MACROD2: variants seen among roughly 807,000 people sequenced by gnomAD.
MACROD2 encodes mono-ADP ribosylhydrolase 2, also known as ADP-ribose glycohydrolase MACROD2.
A neutral mutation model predicts 70.4 loss-of-function variants in MACROD2; 36 were observed. That is an observed-to-expected ratio of 0.51 (90% CI 0.39 to 0.68). The LOEUF (loss-of-function observed/expected upper bound fraction) is 0.68, where lower values mean the gene tolerates loss of function less well. Among genes scored for constraint, MACROD2 ranks in the 30% least tolerant of loss-of-function variants. The pLI is 0.00. For synonymous variants in MACROD2, 172 were observed against 178.8 expected, an observed-to-expected ratio of 0.96 and a Z score of 0.30; for missense variants, 496 against 538.4, an observed-to-expected ratio of 0.92 and a Z score of 0.78.
chr20:14,984,228 T>G (rs2074828242), intron 5 of MACROD2, among the ~76,000 whole-genome samples: 1 of 152,182 alleles, frequency 6.6e-6, no homozygotes, highest in Admixed American at 6.5e-5. Flanking sequence ...TTCATATTGG[T>G]TATAATTCTG....
intron 6 of MACROD2, among the ~76,000 whole-genome samples, chr20:15,414,420 C>T (rs1194661779): frequency 2.0e-5 from 3 of 152,096 alleles, no homozygotes; most frequent in Non-Finnish European, 2.9e-5. Context: ...TATTCTGGCT[C>T]CAATTTTTGG....
intron 4 of MACROD2, among the ~76,000 whole-genome samples, chr20:14,602,710 T>C (rs1982574837): frequency 6.6e-6 from 1 of 152,214 alleles, no homozygotes; most frequent in Non-Finnish European, 1.5e-5. Flanking sequence ...CTCCTCTTTA[T>C]AAGTTTTCTA....
intron 3 of MACROD2, among the ~76,000 whole-genome samples, chr20:14,125,428 G>T (rs1001322346): frequency 5.3e-5 from 8 of 152,064 alleles, no homozygotes; most frequent in Non-Finnish European, 8.8e-5. Flanking sequence ...TCAGGCTTAG[G>T]CTACCTTGTT....
At chr20:14,175,402 T>C (rs1266037854) in intron 3 of MACROD2, among the ~76,000 whole-genome samples, 1 of 152,120 alleles carries the variant, frequency 6.6e-6, no homozygotes, top group Non-Finnish European at 1.5e-5. Context: ...GGGAAAGTGT[T>C]CTGTGTTCCT....
intron 4 of MACROD2, among the ~76,000 whole-genome samples, chr20:14,559,475 A>T (rs1302294914): frequency 1.3e-5 from 2 of 151,904 alleles, no homozygotes; most frequent in African/African-American, 4.8e-5. Context: ...TACTAACTTT[A>T]TAGCTCATAT....
intron 3 of MACROD2, among the ~76,000 whole-genome samples, chr20:14,230,631 T>TGTGTGTATATATATATATATATATATATA (rs1569217269): frequency 8.5e-5 from 8 of 94,256 alleles, no homozygotes; most frequent in Non-Finnish European, 1.3e-4. Context: ...TCATTCATGT[T>TGTGTGTATATATATATATATATATATATA]TATATATATA....
chr20:14,944,580 G>T (rs1031472904), intron 5 of MACROD2, among the ~76,000 whole-genome samples: 20 of 152,116 alleles, frequency 1.3e-4, no homozygotes, highest in African/African-American at 4.8e-4. Flanking sequence ...ACATACCCCA[G>T]AGTCCTCTTT....
At chr20:14,687,181 G>A (rs1037711749) in intron 5 of MACROD2, among the ~76,000 whole-genome samples, 2 of 152,100 alleles carry the variant, frequency 1.3e-5, no homozygotes, top group Non-Finnish European at 2.9e-5. Flanking sequence ...ACTTGTATCT[G>A]TCCTTAAACC....
intron 3 of MACROD2, among the ~76,000 whole-genome samples, chr20:14,486,253 G>T (rs1010056935): frequency 6.6e-6 from 1 of 152,096 alleles, no homozygotes; most frequent in Non-Finnish European, 1.5e-5. Flanking sequence ...GATTAGAATG[G>T]TGACCTTCTT....
At chr20:15,097,551 A>G (rs1264554747) in intron 5 of MACROD2, among the ~76,000 whole-genome samples, 1 of 152,152 alleles carries the variant, frequency 6.6e-6, no homozygotes, top group African/African-American at 2.4e-5. Context: ...AATGTAAAGT[A>G]CCGTAAGAGT....
chr20:15,930,304 C>CT (rs949490889), intron 10 of MACROD2, among the ~76,000 whole-genome samples: 2 of 152,176 alleles, frequency 1.3e-5, no homozygotes, highest in Non-Finnish European at 2.9e-5. Flanking sequence ...ATGTGCCTTG[C>CT]TTTTTCTACC....
rs184918147 is a variant in MACROD2, at chr20:14,019,363, C to T, written c.163+16959C>T. 1.3e-3 allele frequency among the ~76,000 whole-genome samples: 199 copies of T among 152,288 alleles called. 2 individuals are homozygous for T. Among genetic ancestry groups the T allele is most frequent in the Admixed American group, 0.012 (188 of 15,304 alleles). On this transcript the variant is annotated intron_variant, in intron 2 of 17. Transcript: ENST00000684519. ...CTTGGCTTACTGCAACCTCTGCCTC[C>T]TGGGTTCAAGCGTTTCTCCTGTCTC... is the stretch of plus-strand genomic sequence containing the variant.
chr20:15,147,419 C>T (rs182180642), intron 5 of MACROD2, among the ~76,000 whole-genome samples: 104 of 111,120 alleles, frequency 9.4e-4, no homozygotes, highest in East Asian at 1.3e-3. Context: ...GTGTGTAAAA[C>T]GGAGTTAGCA....
intron 3 of MACROD2, among the ~76,000 whole-genome samples, chr20:14,385,981 G>T (rs149587532): frequency 1.3e-5 from 2 of 152,164 alleles, no homozygotes; most frequent in African/African-American, 2.4e-5. Flanking sequence ...TGTATTGAAG[G>T]CATGTACATT....
At chr20:15,942,910 G>A (rs1223771575) in intron 12 of MACROD2, among the ~76,000 whole-genome samples, 1 of 152,130 alleles carries the variant, frequency 6.6e-6, no homozygotes, top group Non-Finnish European at 1.5e-5. Context: ...CAAATCATAT[G>A]CTCATTAATA....
At chr20:14,171,192 T>C (rs202015639) in intron 3 of MACROD2, among the ~76,000 whole-genome samples, 1 of 152,210 alleles carries the variant, frequency 6.6e-6, no homozygotes, top group East Asian at 1.9e-4. Flanking sequence ...AGTTGTAATA[T>C]CTCCCATTTC....
intron 5 of MACROD2, among the ~76,000 whole-genome samples, chr20:15,155,130 T>C (rs2076297849): frequency 1.0e-5 from 1 of 97,298 alleles, no homozygotes; most frequent in Non-Finnish European, 2.3e-5. Flanking sequence ...TATTAAGAAC[T>C]CAAAATGGTA....
At chr20:14,720,536 C>CCTTTTT (rs2071453300) in intron 5 of MACROD2, among the ~76,000 whole-genome samples, 1 of 35,926 alleles carries the variant, frequency 2.8e-5, no homozygotes, top group East Asian at 1.4e-3. Flanking sequence ...TGCCCCACAA[C>CCTTTTT]TTTTTTTTTT....
intron 8 of MACROD2, among the ~76,000 whole-genome samples, chr20:15,699,030 G>A (rs891933384): frequency 1.3e-5 from 2 of 151,834 alleles, no homozygotes; most frequent in Admixed American, 6.6e-5. Flanking sequence ...CCTTTCTCTG[G>A]TCCCTCCCTG....
Sources: allele counts gnomAD v4.1 joint callset (sites outside exome capture counted in the v4.1 genomes callset), GRCh38; gene constraint gnomAD v4.1.1; transcripts MANE v1.5; gene names NCBI Gene and HGNC (gene_info 2026-07-23, HGNC 2026-07-21).